MGST1: variants seen among roughly 807,000 people sequenced by gnomAD.
MGST1 encodes the protein microsomal glutathione S-transferase 1, also known as glutathione S-transferase 12.
MGST1 carries 5 observed loss-of-function variants against 8.9 expected under a neutral mutation model. The ratio of observed to expected loss-of-function variants is 0.56; its 90% confidence interval spans 0.29 to 1.19. The LOEUF (loss-of-function observed/expected upper bound fraction) is 1.19, where lower values mean the gene tolerates loss of function less well. Ranked by LOEUF, MGST1 falls within the 50% of genes most tolerant of loss-of-function variation. MGST1 has a pLI of 0.08. For synonymous variants in MGST1, 54 were observed against 67.8 expected, an observed-to-expected ratio of 0.80 and a Z score of 1.00; for missense variants, 182 against 187.4, an observed-to-expected ratio of 0.97 and a Z score of 0.17.
intron 4 of MGST1, among the ~76,000 whole-genome samples, chr12:16,520,839 AAGG>A (rs1234016286): frequency 1.3e-5 from 2 of 152,292 alleles, no homozygotes; most frequent in Non-Finnish European, 2.9e-5. Context: ...CATGAGTTGT[AAGG>A]AGCCTGTTTC....
chr12:16,432,718 A>G (rs1361659180), intron 1 of MGST1, among the ~76,000 whole-genome samples: 1 of 148,568 alleles, frequency 6.7e-6, no homozygotes, highest in South Asian at 2.2e-4. Context: ...ACACACACAC[A>G]CACACACACA....
chr12:16,401,779 T>G lies in MGST1; in HGVS notation n.778+18175T>G. On this transcript the variant is annotated intron_variant and non_coding_transcript_variant, in intron 1 of 1. Transcript: ENST00000359720. The surrounding 1 kb of genome is among the most constrained non-coding windows in gnomAD (Gnocchi z 4.3). ...TTTTCCACAGACTCAGCCAGTTTGC[T>G]GTGTCAAACTTTCTCATCTGCATCA... 3.7e-6 allele frequency: 6 copies of G among 1,601,050 alleles called. No individual in the cohort carries two copies. Among genetic ancestry groups the G allele is most frequent in the Non-Finnish European group, 5.1e-6 (6 of 1,168,060 alleles).
intron 1 of MGST1, among the ~76,000 whole-genome samples, chr12:16,418,518 G>T (rs555171721): frequency 2.0e-5 from 3 of 152,074 alleles, no homozygotes; most frequent in Non-Finnish European, 2.9e-5. Context: ...TTCAACAAGC[G>T]GTGTCAGGAA....
intron 4 of MGST1, among the ~76,000 whole-genome samples, chr12:16,523,712 G>A (rs11056982): frequency 0.02 from 2,980 of 152,134 alleles, 100 homozygotes; most frequent in East Asian, 0.17. Context: ...ATCTGTAGGC[G>A]TTGTTGTAAA....
At chr12:16,447,300 G>A (rs892996554) in intron 4 of MGST1, among the ~76,000 whole-genome samples, 1 of 151,810 alleles carries the variant, frequency 6.6e-6, no homozygotes, top group Non-Finnish European at 1.5e-5. Context: ...AAGCTCTTTT[G>A]GGGGTATAGT....
chr12:16,372,104 A>G (rs936276151), intron 3 of MGST1, among the ~76,000 whole-genome samples: 3 of 151,962 alleles, frequency 2.0e-5, no homozygotes, highest in Non-Finnish European at 4.4e-5. Context: ...TTAAGGAAAC[A>G]CTCCAGGATT....
rs191909564 is a variant in MGST1 at position 16,576,611 on chromosome 12, A to G, written n.483-12917A>G. Among the ~76,000 whole-genome samples, 3 of 152,300 alleles carry G rather than the reference A, an allele frequency of 2.0e-5. No individual in the cohort carries two copies. Among genetic ancestry groups the G allele is most frequent in the Admixed American group, 1.3e-4 (2 of 15,300 alleles). On this transcript the variant is annotated intron_variant and non_coding_transcript_variant, in intron 4 of 4. Transcript: ENST00000538857. The surrounding 1 kb of genome is among the most constrained non-coding windows in gnomAD (Gnocchi z 4.1). ...TACCTGTTTGTCTCTTTCTCACTAC[A>G]TAATAAGCTCCCTGAAAACTTGCCT...
At chr12:16,578,402 G>A (rs1823548831) in intron 4 of MGST1, among the ~76,000 whole-genome samples, 2 of 152,180 alleles carry the variant, frequency 1.3e-5, no homozygotes, top group African/African-American at 2.4e-5. Context: ...GAGGGGTCAG[G>A]TAGAAGGGAT....
intron 1 of MGST1, among the ~76,000 whole-genome samples, chr12:16,353,775 T>C (rs1387517990): frequency 1.9e-4 from 28 of 150,534 alleles, no homozygotes; most frequent in African/African-American, 5.4e-4. Flanking sequence ...TTTTTTTTTT[T>C]TTGAGATAGA....
intron 1 of MGST1, among the ~76,000 whole-genome samples, chr12:16,387,133 T>C (rs2137048402): frequency 6.6e-6 from 1 of 152,342 alleles, no homozygotes; most frequent in Non-Finnish European, 1.5e-5. Context: ...TTATAATCTT[T>C]ATTTTATTGT....
At chr12:16,592,982 C>T (rs1448788265), downstream of MGST1, among the ~76,000 whole-genome samples, 1 of 151,268 alleles carries the variant, frequency 6.6e-6, no homozygotes, top group Non-Finnish European at 1.5e-5. Flanking sequence ...TTAGCTTTTC[C>T]CTCTTGTTGC....
chr12:16,529,337 A>T (rs1941707443), intron 4 of MGST1, among the ~76,000 whole-genome samples: 1 of 152,030 alleles, frequency 6.6e-6, no homozygotes, highest in Non-Finnish European at 1.5e-5. Context: ...CTGCGAATTT[A>T]AGTGCCAAAA....
At position 16,497,129 on chromosome 12, in the gene MGST1, A is replaced by G. The variant is rs1565464796; in HGVS notation, n.483-92399A>G. 2.0e-5 allele frequency among the ~76,000 whole-genome samples: 3 copies of G among 152,124 alleles called. No homozygotes were observed. The highest frequency in any genetic ancestry group is 2.0e-4 in the Admixed American group (3 of 15,254). On this transcript the variant is annotated intron_variant and non_coding_transcript_variant, in intron 4 of 4. Transcript: ENST00000538857. This position sits in a 1 kb window ranked among gnomAD's most constrained non-coding sequence, Gnocchi z 4.4. ...TGCCAGAAGGGAAAAGATGAGAACCACTGAATCTGCATCCTTTGCTGTCGG... is the reference window on the plus strand; with the variant it reads ...TGCCAGAAGGGAAAAGATGAGAACCGCTGAATCTGCATCCTTTGCTGTCGG...
intron 4 of MGST1, among the ~76,000 whole-genome samples, chr12:16,487,163 A>C (rs916675934): frequency 1.3e-5 from 2 of 152,212 alleles, no homozygotes; most frequent in South Asian, 4.1e-4. Flanking sequence ...CTCTCAAAAA[A>C]AGCTTTTCCA....
rs1362296549 is a variant in MGST1 at position 16,559,280 on chromosome 12, T to C, written n.483-30248T>C. 6.6e-6 allele frequency among the ~76,000 whole-genome samples: 1 copy of C among 152,198 alleles called. No individual in the cohort carries two copies. Among genetic ancestry groups the C allele is most frequent in the East Asian group, 1.9e-4 (1 of 5,200 alleles). On this transcript the variant is annotated intron_variant and non_coding_transcript_variant, in intron 4 of 4. Coordinates refer to the MGST1 transcript ENST00000538857. This position sits in a 1 kb window ranked among gnomAD's most constrained non-coding sequence, Gnocchi z 4.1. ...GTTCTAAAATCCTCTCCATTTATCA[T>C]ATAAAACAGGTGCCAGTAGTATATA...
intron 4 of MGST1, chr12:16,567,326 T>A (rs1942653346): frequency 6.5e-6 from 1 of 154,558 alleles, no homozygotes; most frequent in Admixed American, 6.5e-5. Flanking sequence ...AGATGCCTAC[T>A]ACGTGCAAGG....
intron 1 of MGST1, among the ~76,000 whole-genome samples, chr12:16,405,774 A>G (rs1351488005): frequency 6.6e-6 from 1 of 152,206 alleles, no homozygotes; most frequent in East Asian, 1.9e-4. Context: ...AAATCAATAA[A>G]TGTGATTCAT....
chr12:16,582,767 G>A lies in MGST1; in HGVS notation n.483-6761G>A, dbSNP rs531642684. ...ACGCCCAGAAAAGAATCAGAACTAG[G>A]CCGGGCACGGTGGCCCATGCCTGTA... On this transcript the variant is annotated intron_variant and non_coding_transcript_variant, in intron 4 of 4. Transcript: ENST00000538857. This position sits in a 1 kb window ranked among gnomAD's most constrained non-coding sequence, Gnocchi z 4.1. 4.6e-5 allele frequency among the ~76,000 whole-genome samples: 7 copies of A among 152,276 alleles called. No homozygotes were observed. The South Asian group carries it at 1.5e-3, about 32-fold the overall frequency.
chr12:16,465,347 A>G (rs1428406652), intron 4 of MGST1, among the ~76,000 whole-genome samples: 1 of 152,202 alleles, frequency 6.6e-6, no homozygotes, highest in Non-Finnish European at 1.5e-5. Context: ...GCCACAACCT[A>G]TATTTGAAGG....
Sources: allele counts gnomAD v4.1 joint callset (sites outside exome capture counted in the v4.1 genomes callset), GRCh38; gene constraint gnomAD v4.1.1; non-coding constraint Gnocchi (gnomAD v3.1); transcripts MANE v1.5; gene names NCBI Gene and HGNC (gene_info 2026-07-23, HGNC 2026-07-21).